Variants in ARB2A observed in about 807,000 individuals in gnomAD.
ARB2A encodes the protein ARB2 cotranscriptional regulator A.
chr5:93,979,209 C>G, the ARB2A span, among the ~76,000 whole-genome samples: 1 of 152,078 alleles, frequency 6.6e-6, no homozygotes, highest in Admixed American at 6.5e-5. Context: ...TCTAAACAGA[C>G]CAATTGCAAT....
chr5:93,741,325 C>T, the ARB2A span: 1 of 1,613,078 alleles, frequency 6.2e-7, no homozygotes, highest in Non-Finnish European at 8.5e-7. Context: ...AAGACGGGGC[C>T]TGCAGGGTGC....
the ARB2A span, among the ~76,000 whole-genome samples, chr5:93,806,994 C>A: frequency 6.6e-6 from 1 of 151,962 alleles, no homozygotes; most frequent in South Asian, 2.1e-4. Context: ...TAATCAAATT[C>A]AGCCATGACA....
At chr5:94,050,888 A>C in the ARB2A span, 1 of 1,164,894 alleles carries the variant, frequency 8.6e-7, no homozygotes, top group Non-Finnish European at 1.2e-6. Context: ...CAATAATATA[A>C]ACAGTACAAC....
At chr5:93,842,270 T>A in the ARB2A span, among the ~76,000 whole-genome samples, 2 of 152,192 alleles carry the variant, frequency 1.3e-5, no homozygotes, top group Non-Finnish European at 2.9e-5. Flanking sequence ...AAATAACATT[T>A]CACTGGAACA....
chr5:93,756,617 A>G, the ARB2A span, among the ~76,000 whole-genome samples: 1 of 152,176 alleles, frequency 6.6e-6, no homozygotes, highest in Non-Finnish European at 1.5e-5. Flanking sequence ...CCCAGCAGAG[A>G]GACAACAATC....
At chr5:93,830,311 G>GTATATATA in the ARB2A span, among the ~76,000 whole-genome samples, 199 of 82,180 alleles carry the variant, frequency 2.4e-3, 1 homozygote, top group African/African-American at 5.7e-3. Flanking sequence ...GTGTGTGTGT[G>GTATATATA]TATATATATA....
the ARB2A span, among the ~76,000 whole-genome samples, chr5:93,941,925 C>T: frequency 6.6e-6 from 1 of 152,120 alleles, no homozygotes; most frequent in Non-Finnish European, 1.5e-5. Flanking sequence ...TTAAGCATAT[C>T]CTTTATTAGT....
the ARB2A span, among the ~76,000 whole-genome samples, chr5:94,035,196 C>CATACATATATATATACAT: frequency 1.5e-5 from 2 of 129,630 alleles, no homozygotes; most frequent in South Asian, 2.7e-4. Context: ...GGATCTTATA[C>CATACATATATATATACAT]ATACATATAC....
the ARB2A span, chr5:93,776,293 G>A: frequency 7.0e-7 from 1 of 1,419,440 alleles, no homozygotes; most frequent in Non-Finnish European, 9.7e-7. Context: ...AAGCCAAGAT[G>A]GAATTTTTAG....
chr5:94,096,722 C>T, the ARB2A span, among the ~76,000 whole-genome samples: 2 of 152,048 alleles, frequency 1.3e-5, no homozygotes, highest in Admixed American at 6.6e-5. Context: ...CTTCTCCCAT[C>T]GAGAGAACAG....
At chr5:93,672,879 A>G in the ARB2A span, among the ~76,000 whole-genome samples, 67 of 152,314 alleles carry the variant, frequency 4.4e-4, no homozygotes, top group Non-Finnish European at 8.4e-4. Context: ...TCATATCACC[A>G]GAAGTTTAAT....
At chr5:93,870,367 C>T in the ARB2A span, among the ~76,000 whole-genome samples, 1 of 152,194 alleles carries the variant, frequency 6.6e-6, no homozygotes, top group African/African-American at 2.4e-5. Flanking sequence ...CATCGCCGCT[C>T]ATATTGAGTC....
chr5:93,954,673 AAGCACAGCAC>A, the ARB2A span, among the ~76,000 whole-genome samples: 3,233 of 151,620 alleles, frequency 0.021, 109 homozygotes, highest in African/African-American at 0.073. Flanking sequence ...TACTGCCTCT[AAGCACAGCAC>A]AGCACAGCAC....
chr5:94,087,133 G>A, the ARB2A span, among the ~76,000 whole-genome samples: 1 of 152,094 alleles, frequency 6.6e-6, no homozygotes, highest in Admixed American at 6.6e-5. Flanking sequence ...TGGCAAAAAT[G>A]TTTTAAAAAT....
At chr5:94,050,408 C>CCACA in the ARB2A span, among the ~76,000 whole-genome samples, 1 of 151,974 alleles carries the variant, frequency 6.6e-6, no homozygotes, top group Admixed American at 6.6e-5. Context: ...GCGCATGCAA[C>CCACA]CACACCCAGC....
chr5:94,081,900 C>CCTTT, the ARB2A span, among the ~76,000 whole-genome samples: 2 of 152,116 alleles, frequency 1.3e-5, no homozygotes, highest in African/African-American at 2.4e-5. Context: ...TAACCACTCA[C>CCTTT]CTTTCCCTTT....
the ARB2A span, among the ~76,000 whole-genome samples, chr5:94,003,025 T>C: frequency 6.6e-6 from 1 of 152,214 alleles, no homozygotes; most frequent in African/African-American, 2.4e-5. Context: ...GCTAAATTTT[T>C]ACTCCATATT....
At chr5:93,983,171 GT>G in the ARB2A span, among the ~76,000 whole-genome samples, 47 of 190 alleles carry the variant, frequency 0.25, no homozygotes, top group Middle Eastern at 0.5. Context: ...CTGTGGAGAG[GT>G]GTGTGTGTGT....
the ARB2A span, among the ~76,000 whole-genome samples, chr5:94,034,947 C>T: frequency 6.6e-6 from 1 of 152,128 alleles, no homozygotes; most frequent in African/African-American, 2.4e-5. Flanking sequence ...ATCTAGGTTG[C>T]ACACTCCTTA....
Sources: allele counts gnomAD v4.1 joint callset (sites outside exome capture counted in the v4.1 genomes callset), GRCh38; gene constraint gnomAD v4.1.1; transcripts MANE v1.5; gene names NCBI Gene and HGNC (gene_info 2026-07-23, HGNC 2026-07-21).